The following DECR1 variants were observed in gnomAD, a reference collection of about 807,000 sequenced individuals.
DECR1 encodes 2,4-dienoyl-CoA reductase 1, also known as 2,4-dienoyl-CoA reductase [(3E)-enoyl-CoA-producing], mitochondrial.
DECR1 carries 44 observed loss-of-function variants against 38.8 expected under a neutral mutation model. That is an observed-to-expected ratio of 1.13 (90% confidence interval 0.89 to 1.46). The LOEUF is 1.46. Ranked by LOEUF, DECR1 falls within the 40% of genes most tolerant of loss-of-function variation. The pLI is 0.00. For synonymous variants in DECR1, 148 were observed against 135.2 expected (o/e 1.09, Z -0.66); for missense variants, 428 against 405.5 (o/e 1.06, Z -0.48).
intron 1 of DECR1, among the ~76,000 whole-genome samples, chr8:90,006,894 T>G (rs1812755628): frequency 6.6e-6 from 1 of 152,168 alleles, no homozygotes; most frequent in Non-Finnish European, 1.5e-5. Flanking sequence ...CTTTGGCCCC[T>G]GAGCTAAGGA....
At chr8:90,027,262 A>G (rs1332817069) in intron 5 of DECR1, among the ~76,000 whole-genome samples, 4 of 152,118 alleles carry the variant, frequency 2.6e-5, no homozygotes, top group Non-Finnish European at 4.4e-5. Context: ...GCTGAGTTCA[A>G]TTCCTGGATA....
intron 5 of DECR1, among the ~76,000 whole-genome samples, chr8:90,024,048 C>T (rs760872584): frequency 7.2e-5 from 11 of 152,272 alleles, no homozygotes; most frequent in Non-Finnish European, 7.4e-5. Context: ...GACATGAACT[C>T]GTCCTTTTTT....
chr8:90,028,778 C>T (rs1813419236), intron 5 of DECR1, among the ~76,000 whole-genome samples: 1 of 149,364 alleles, frequency 6.7e-6, no homozygotes, highest in African/African-American at 2.5e-5. Context: ...TTCTTTCTTT[C>T]ATATCTAATG....
intron 7 of DECR1, 150 bp downstream of exon 7, chr8:90,042,950 A>T (rs1318828590): frequency 1.2e-5 from 8 of 651,190 alleles, no homozygotes; most frequent in Non-Finnish European, 1.6e-5. Context: ...TTTATTCATT[A>T]TCGAATATAA....
At chr8:90,010,484 A>G (rs1413877234) in intron 1 of DECR1, among the ~76,000 whole-genome samples, 2 of 152,256 alleles carry the variant, frequency 1.3e-5, no homozygotes, top group Non-Finnish European at 1.5e-5. Flanking sequence ...TAGCAATCGG[A>G]CAAAATAAAT....
At chr8:90,005,784 A>T in intron 1 of DECR1, 1 of 303,244 alleles carries the variant, frequency 3.3e-6, no homozygotes, top group South Asian at 3.0e-5. Context: ...TGCCTGGACA[A>T]GTTCAAGACT....
At chr8:90,038,953 T>A (rs1419264984) in intron 6 of DECR1, among the ~76,000 whole-genome samples, 1 of 152,192 alleles carries the variant, frequency 6.6e-6, no homozygotes, top group Admixed American at 6.5e-5. Flanking sequence ...TGTCAATATT[T>A]GTTTTGTGAG....
chr8:90,016,841 C>T (rs1458007207), intron 1 of DECR1: 1 of 345,806 alleles, frequency 2.9e-6, no homozygotes, highest in East Asian at 7.1e-5. Context: ...TTTATTGTCC[C>T]CATTTTGTAG....
chr8:90,030,471 C>T (rs750669578), intron 5 of DECR1: 6 of 152,204 alleles, frequency 3.9e-5, no homozygotes, highest in Non-Finnish European at 8.8e-5. Context: ...ACACTGAACA[C>T]AAATGTGGTG....
chr8:90,014,213 A>G (rs1812953180), intron 1 of DECR1, among the ~76,000 whole-genome samples: 1 of 152,236 alleles, frequency 6.6e-6, no homozygotes, highest in Admixed American at 6.5e-5. Context: ...AATCTTTAAA[A>G]GCCTGTTTTG....
intron 1 of DECR1, among the ~76,000 whole-genome samples, chr8:90,011,402 A>G (rs1056216801): frequency 6.6e-6 from 1 of 152,176 alleles, no homozygotes; most frequent in Non-Finnish European, 1.5e-5. Flanking sequence ...TATTACAAAC[A>G]ATTCTTTAAT....
intron 1 of DECR1, among the ~76,000 whole-genome samples, chr8:90,008,145 G>A (rs1812789578): frequency 6.6e-6 from 1 of 152,192 alleles, no homozygotes; most frequent in Non-Finnish European, 1.5e-5. Flanking sequence ...CCCAAGTGCA[G>A]CATTTCTGAT....
At chr8:90,022,382 A>C (rs1182229567) in intron 5 of DECR1, among the ~76,000 whole-genome samples, 2 of 152,140 alleles carry the variant, frequency 1.3e-5, no homozygotes, top group Non-Finnish European at 2.9e-5. Flanking sequence ...TACATACACT[A>C]ATAGCTTCCA....
At chr8:90,038,109 T>C (rs1813657596) in intron 6 of DECR1, among the ~76,000 whole-genome samples, 1 of 152,228 alleles carries the variant, frequency 6.6e-6, no homozygotes. Context: ...CCTAGGGATA[T>C]GATAGTGATG....
In DECR1 at chr8:90,047,032, G is replaced by A. The variant is rs574941938; in HGVS notation, c.885+2037G>A. On this transcript the variant is annotated intron_variant, in intron 8 of 9. Coordinates refer to ENST00000220764, the MANE Select transcript of DECR1 (RefSeq NM_001359.2). ...TGCCTTACAAGAACTCCTGAAGGAA[G>A]CACTAAACATGGAAAGGAACAACCG... 6.6e-5 allele frequency among the ~76,000 whole-genome samples: 10 copies of A among 152,230 alleles called. 1 individual carries two copies. The South Asian group carries it at 2.1e-3, about 32-fold the overall frequency.
At chr8:90,014,300 G>A (rs1458078753) in intron 1 of DECR1, among the ~76,000 whole-genome samples, 4 of 152,126 alleles carry the variant, frequency 2.6e-5, no homozygotes, top group African/African-American at 4.8e-5. Context: ...TTGTAGAAAC[G>A]GGATTGAATA....
chr8:90,022,791 C>T (rs1239804859), intron 5 of DECR1, among the ~76,000 whole-genome samples: 4 of 152,102 alleles, frequency 2.6e-5, no homozygotes, highest in Admixed American at 6.6e-5. Context: ...TTTCTTCCCT[C>T]GCTCATCTCT....
chr8:90,038,059 A>G (rs1268682828), intron 6 of DECR1, among the ~76,000 whole-genome samples: 1 of 152,208 alleles, frequency 6.6e-6, no homozygotes, highest in Non-Finnish European at 1.5e-5. Context: ...TAATTTATTT[A>G]TTCAATAAAT....
At chr8:90,019,197 A>G in intron 4 of DECR1, 25 bp downstream of exon 4, 1 of 1,580,226 alleles carries the variant, frequency 6.3e-7, no homozygotes, top group Non-Finnish European at 8.7e-7. Context: ...GATGAAGCCA[A>G]AGTGCAAGAC....
Sources: allele counts gnomAD v4.1 joint callset (sites outside exome capture counted in the v4.1 genomes callset), GRCh38; gene constraint gnomAD v4.1.1; transcripts MANE v1.5; gene names NCBI Gene and HGNC (gene_info 2026-07-23, HGNC 2026-07-21).